Variants in ATP6V1E1 observed in about 807,000 individuals in gnomAD.
ATP6V1E1 encodes the protein ATPase H+ transporting V1 subunit E1, also known as V-type proton ATPase subunit E 1.
ATP6V1E1 carries 21 observed loss-of-function variants against 35.2 expected under a neutral mutation model. That is an observed-to-expected ratio of 0.60 (90% CI 0.42 to 0.86). The LOEUF is 0.86. Ranked by LOEUF, ATP6V1E1 falls within the 40% of genes least tolerant of loss-of-function variation. The pLI, the probability that ATP6V1E1 is intolerant of heterozygous loss-of-function variation, is 0.00. For synonymous variants in ATP6V1E1, 83 were observed against 87.8 expected (o/e 0.95, Z 0.30); for missense variants, 183 against 272.6 (o/e 0.67, Z 2.32).
At chr22:17,608,757 A>ACC (rs1444229990) in intron 4 of ATP6V1E1, among the ~76,000 whole-genome samples, 3 of 152,236 alleles carry the variant, frequency 2.0e-5, no homozygotes, top group African/African-American at 7.2e-5. Context: ...ATGATGGATT[A>ACC]CTGTATTTTG....
intron 6 of ATP6V1E1, among the ~76,000 whole-genome samples, chr22:17,599,361 G>A (rs2057749636): frequency 6.6e-6 from 1 of 150,870 alleles, no homozygotes; most frequent in South Asian, 2.1e-4. Context: ...CAGGTCACAA[G>A]GTCAGGAGTT....
At chr22:17,627,985 T>TG (rs1328837599) in intron 1 of ATP6V1E1, among the ~76,000 whole-genome samples, 2 of 143,216 alleles carry the variant, frequency 1.4e-5, no homozygotes, top group Non-Finnish European at 3.1e-5. Context: ...GCTGGTTTGT[T>TG]TTTTTTTTTT....
At chr22:17,627,172 T>G (rs1332018095) in intron 1 of ATP6V1E1, among the ~76,000 whole-genome samples, 10 of 151,480 alleles carry the variant, frequency 6.6e-5, no homozygotes, top group Non-Finnish European at 1.5e-4. Context: ...TTTTTTTTAT[T>G]TTTTTGAGAG....
chr22:17,607,368 G>A (rs2057792128), intron 4 of ATP6V1E1, among the ~76,000 whole-genome samples: 1 of 152,016 alleles, frequency 6.6e-6, no homozygotes, highest in African/African-American at 2.4e-5. Flanking sequence ...ATGTTTGCCA[G>A]GATGATCTCG....
chr22:17,596,994 G>A (rs1283419496), intron 7 of ATP6V1E1, among the ~76,000 whole-genome samples: 1 of 151,992 alleles, frequency 6.6e-6, no homozygotes, highest in Non-Finnish European at 1.5e-5. Flanking sequence ...TGTAATCCCA[G>A]CACTTTGGGA....
chr22:17,624,598 C>T (rs930030837), intron 1 of ATP6V1E1, among the ~76,000 whole-genome samples: 12 of 151,286 alleles, frequency 7.9e-5, no homozygotes, highest in African/African-American at 2.4e-4. Context: ...CGCCTATAAT[C>T]CCACCACTTC....
At chr22:17,602,456 C>G (rs1238705344) in intron 4 of ATP6V1E1, among the ~76,000 whole-genome samples, 1 of 151,772 alleles carries the variant, frequency 6.6e-6, no homozygotes, top group East Asian at 1.9e-4. Context: ...CTCACTGTAA[C>G]CTCTGCCTCC....
rs2057864089 is a variant in ATP6V1E1, at chr22:17,619,456, C to G, written c.99+5G>C. 1 of 1,599,866 alleles carries G rather than the reference C, an allele frequency of 6.3e-7. No individual in the cohort carries two copies. Among genetic ancestry groups the G allele is most frequent in the Non-Finnish European group, 8.5e-7 (1 of 1,172,616 alleles). ...AACTTCTTAAAACTAGAAAATGAAT[C>G]TCACCTTTGCATCTATTTCTTCTGC... is the stretch of plus-strand genomic sequence containing the variant. On this transcript the variant is annotated splice_donor_5th_base_variant and intron_variant, in intron 2 of 8. Transcript: ENST00000253413.
chr22:17,619,359 G>T, intron 2 of ATP6V1E1, 102 bp downstream of exon 2: 2 of 1,016,052 alleles, frequency 2.0e-6, no homozygotes, highest in Non-Finnish European at 3.0e-6. Context: ...TTATCAGTCC[G>T]ATGCAATCTG....
chr22:17,619,367 C>G, intron 2 of ATP6V1E1, 94 bp downstream of exon 2: 1 of 1,070,612 alleles, frequency 9.3e-7, no homozygotes, highest in Non-Finnish European at 1.4e-6. Flanking sequence ...CCGATGCAAT[C>G]TGTTGTTAAG....
intron 7 of ATP6V1E1, chr22:17,597,955 G>T: frequency 2.1e-6 from 1 of 480,618 alleles, no homozygotes. Flanking sequence ...GGGATTACAG[G>T]CGTGAGCCAC....
chr22:17,619,429 A>G (rs1013926636), intron 2 of ATP6V1E1, 32 bp downstream of exon 2: 4 of 1,564,852 alleles, frequency 2.6e-6, no homozygotes, highest in African/African-American at 1.4e-5. Context: ...GGAAACCTTG[A>G]TAACTTCTTA....
intron 7 of ATP6V1E1, among the ~76,000 whole-genome samples, chr22:17,597,289 A>G (rs1569201860): frequency 6.6e-6 from 1 of 151,300 alleles, no homozygotes; most frequent in Non-Finnish European, 1.5e-5. Flanking sequence ...AATGTTAGTC[A>G]GTAGTGTGGC....
chr22:17,613,107 G>A (rs564478137), intron 3 of ATP6V1E1, 104 bp downstream of exon 3: 1 of 965,076 alleles, frequency 1.0e-6, no homozygotes, highest in Non-Finnish European at 1.6e-6. Context: ...ATTAGTAGTA[G>A]GTGGTCGAGT....
chr22:17,628,799 A>AC (rs2146326449), upstream of ATP6V1E1: 1 of 904,570 alleles, frequency 1.1e-6, no homozygotes, highest in Non-Finnish European at 1.7e-6. Context: ...CATCCTCATG[A>AC]CCCTTCTCAG....
chr22:17,627,825 AAAAAAAAG>A (rs2057925366), intron 1 of ATP6V1E1, among the ~76,000 whole-genome samples: 2 of 150,166 alleles, frequency 1.3e-5, no homozygotes, highest in African/African-American at 4.9e-5. Flanking sequence ...TCTCAAAAAA[AAAAAAAAG>A]AAAAAAAGAA....
In ATP6V1E1 at chr22:17,613,227, C is replaced by G. The variant is rs1227833050; in HGVS notation, c.193G>C (p.Glu65Gln). Reference protein sequence around the residue: ...EYYEKKEKQIEQQKKIQMSNL... With the variant: ...EYYEKKEKQIQQQKKIQMSNL... ...TCTACTTACATTTTCTTCTGCTGCT[C>G]AATCTGTTTCTCTTTCTTCTCATAA... The change falls in exon 3 of 9, where the codon GAG becomes CAG. Residue 65 changes from glutamate (E) to glutamine (Q), a missense_variant. Glu to Gln is a conservative substitution (Grantham distance 29). Transcript: ENST00000253413. The G allele has an allele frequency of 6.2e-7, 1 of 1,611,586 alleles. No homozygotes were observed. The highest frequency in any genetic ancestry group is 8.5e-7 in the Non-Finnish European group (1 of 1,179,420).
At chr22:17,624,647 C>G (rs1314983676) in intron 1 of ATP6V1E1, among the ~76,000 whole-genome samples, 4 of 152,248 alleles carry the variant, frequency 2.6e-5, no homozygotes, top group African/African-American at 9.6e-5. Flanking sequence ...GGCGAATTCC[C>G]ATGTGTACTA....
chr22:17,612,091 T>A (rs918644629), intron 4 of ATP6V1E1, among the ~76,000 whole-genome samples: 2 of 152,230 alleles, frequency 1.3e-5, no homozygotes, highest in Non-Finnish European at 2.9e-5. Context: ...TAGGATCTTA[T>A]GTTTTTTGAA....
Sources: allele counts gnomAD v4.1 joint callset (sites outside exome capture counted in the v4.1 genomes callset), GRCh38; gene constraint gnomAD v4.1.1; transcripts MANE v1.5; gene names NCBI Gene and HGNC (gene_info 2026-07-23, HGNC 2026-07-21).